DHX8: variants seen among roughly 807,000 people sequenced by gnomAD.
DHX8 encodes the protein ATP-dependent RNA helicase DHX8.
Under a neutral mutation model 140.7 loss-of-function variants are expected in DHX8, and 67 were observed. The observed-to-expected ratio is 0.48, with a 90% CI of 0.39 to 0.58. The LOEUF (loss-of-function observed/expected upper bound fraction) is 0.58. Among genes scored for constraint, DHX8 ranks in the 20% least tolerant of loss-of-function variants. DHX8 has a pLI of 0.00. For missense variants in DHX8, 887 were observed against 1,550.7 expected, an observed-to-expected ratio of 0.57 and a Z score of 7.19; for synonymous variants, 533 against 553.2, an observed-to-expected ratio of 0.96 and a Z score of 0.51.
At chr17:43,490,364 AT>A in intron 2 of DHX8, 26 bp from the exon 3 acceptor site, 1 of 1,598,138 alleles carries the variant, frequency 6.3e-7, no homozygotes, top group Non-Finnish European at 8.6e-7. Flanking sequence ...GGAGCTGACA[AT>A]TTTCGTTCTA....
downstream of DHX8, among the ~76,000 whole-genome samples, chr17:43,531,319 C>T (rs947137990): frequency 3.3e-5 from 5 of 152,224 alleles, no homozygotes; most frequent in Non-Finnish European, 5.9e-5. Flanking sequence ...GACTGGCCCT[C>T]CTTCGGCCCT....
intron 18 of DHX8, chr17:43,518,667 A>T (rs1598173069): frequency 6.6e-6 from 1 of 152,184 alleles, no homozygotes; most frequent in African/African-American, 2.4e-5. Context: ...TACATTCAAG[A>T]TGTTGTACAA....
chr17:43,517,094 T>C (rs1230234638), intron 17 of DHX8, 73 bp from the exon 18 acceptor site: 8 of 1,476,390 alleles, frequency 5.4e-6, no homozygotes, highest in Non-Finnish European at 7.2e-6. Context: ...GTCCCCCTTT[T>C]AACAGATATC....
intron 9 of DHX8, 77 bp from the exon 10 acceptor site, chr17:43,498,785 A>G: frequency 2.5e-6 from 3 of 1,194,630 alleles, no homozygotes; most frequent in Non-Finnish European, 3.6e-6. Context: ...GTTGGTACCT[A>G]TGGAAATTAA....
rs772467259 is a variant in DHX8, at chr17:43,522,086, C to G, written c.3303C>G (p.Val1101=). The part of the protein sequence containing the change: ...LDVVSCGKST[V]RVQKAICSGF... ...TTGTTTCCTGTGGCAAGTCCACAGTCCGAGTGCAGAAGGCCATCTGCAGTG... is the reference window on the plus strand; with the variant it reads ...TTGTTTCCTGTGGCAAGTCCACAGTGCGAGTGCAGAAGGCCATCTGCAGTG... The change falls in exon 22 of 23, where the codon GTC becomes GTG. Residue 1101 remains valine, a synonymous_variant. Coordinates refer to ENST00000262415, the MANE Select transcript of DHX8 (RefSeq NM_004941.3). The G allele has an allele frequency of 5.0e-6, 8 of 1,614,082 alleles. No homozygotes were observed. Among genetic ancestry groups the G allele is most frequent in the Non-Finnish European group, 5.9e-6 (7 of 1,180,006 alleles).
chr17:43,512,275 T>C (rs531247833), intron 16 of DHX8, among the ~76,000 whole-genome samples: 13 of 151,420 alleles, frequency 8.6e-5, no homozygotes, highest in Non-Finnish European at 1.6e-4. Context: ...TAATCTCAGC[T>C]ACTCGGGAGG....
At chr17:43,533,441 T>G (rs1971069917) in intron 2 of DHX8, 4 of 1,251,792 alleles carry the variant, frequency 3.2e-6, no homozygotes, top group Non-Finnish European at 4.5e-6. Flanking sequence ...TCACAGGGAT[T>G]ACAGGAGAAG....
At chr17:43,523,247 C>A (rs1193382862) in intron 22 of DHX8, among the ~76,000 whole-genome samples, 1 of 152,134 alleles carries the variant, frequency 6.6e-6, no homozygotes, top group Non-Finnish European at 1.5e-5. Flanking sequence ...GCATGTTTGG[C>A]CTTCTCCATC....
chr17:43,536,331 A>G lies in DHX8; in HGVS notation c.351-81A>G, dbSNP rs1971241631. 4 of 1,119,276 alleles carry G rather than the reference A, an allele frequency of 3.6e-6. No homozygotes were observed. In the South Asian group the frequency reaches 3.9e-5, roughly 11 times the overall value. The allele number at this position is 1,119,276 out of a possible 1,614,324, so 69.3% of individuals were successfully genotyped here. A position where few individuals can be genotyped will look rare whatever the true frequency, so the allele number is the denominator to read the frequency against. On this transcript the variant is annotated intron_variant, in intron 2 of 3. Coordinates refer to the DHX8 transcript ENST00000589898. ...AGATCAAACCCCACTGTGTTTTAGG[A>G]GAGAACAAGCTGCTCTCTTGTGATT...
intron 18 of DHX8, chr17:43,518,940 C>T (rs1251348454): frequency 6.6e-6 from 1 of 152,170 alleles, no homozygotes; most frequent in Non-Finnish European, 1.5e-5. Flanking sequence ...TTATTTCATT[C>T]CTTTCTAAGG....
intron 9 of DHX8, among the ~76,000 whole-genome samples, chr17:43,497,585 G>A (rs1968938045): frequency 6.6e-6 from 1 of 151,952 alleles, no homozygotes; most frequent in African/African-American, 2.4e-5. Context: ...GCTAGGCCCT[G>A]TCTTTACAAA....
At chr17:43,513,924 G>A (rs1567693862) in intron 17 of DHX8, among the ~76,000 whole-genome samples, 1 of 151,908 alleles carries the variant, frequency 6.6e-6, no homozygotes, top group Non-Finnish European at 1.5e-5. Context: ...TGTTGGTCAG[G>A]CTGGTCTTGA....
At chr17:43,508,773 C>A (rs915645806) in intron 16 of DHX8, among the ~76,000 whole-genome samples, 5 of 152,102 alleles carry the variant, frequency 3.3e-5, no homozygotes, top group Non-Finnish European at 7.4e-5. Flanking sequence ...GCACCTGCCA[C>A]CACGCCTGGC....
intron 11 of DHX8, among the ~76,000 whole-genome samples, chr17:43,501,223 A>G (rs1308301185): frequency 6.6e-6 from 1 of 152,150 alleles, no homozygotes; most frequent in African/African-American, 2.4e-5. Context: ...ATCGAGACCC[A>G]AAGGATAAAT....
intron 11 of DHX8, among the ~76,000 whole-genome samples, chr17:43,502,249 T>C (rs531029136): frequency 6.6e-6 from 1 of 152,166 alleles, no homozygotes; most frequent in Non-Finnish European, 1.5e-5. Context: ...CTGCATGTAA[T>C]AGAGATTCAA....
Position 43,521,443 on chromosome 17 carries a change from T to C in DHX8, c.3141T>C (p.Ala1047=), listed in dbSNP as rs755639562. Residue 1047 remains alanine, a synonymous_variant, in exon 21 of 23, where the codon GCT becomes GCC. Transcript: ENST00000262415. The part of the protein sequence containing the change: ...QTEGDHLTLL[A]VYNSWKNNKF... ...AAGGGGACCACCTCACCCTGCTAGC[T>C]GTGTACAACTCCTGGAAGAACAACA... 1.2e-6 allele frequency: 2 copies of C among 1,613,904 alleles called. No individual in the cohort carries two copies. Among genetic ancestry groups the C allele is most frequent in the African/African-American group, 1.3e-5 (1 of 74,866 alleles).
chr17:43,526,771 T>A, downstream of DHX8: 1 of 1,156,154 alleles, frequency 8.6e-7, no homozygotes, highest in Non-Finnish European at 1.1e-6. Context: ...AATGTGGAAT[T>A]AAATTATATA....
At chr17:43,527,663 A>T (rs1970657535), downstream of DHX8, among the ~76,000 whole-genome samples, 1 of 152,214 alleles carries the variant, frequency 6.6e-6, no homozygotes, top group South Asian at 2.1e-4. Flanking sequence ...GGGGAAGGGC[A>T]GGTATCATTA....
At chr17:43,514,056 G>C (rs115263453) in intron 17 of DHX8, among the ~76,000 whole-genome samples, 1 of 150,110 alleles carries the variant, frequency 6.7e-6, no homozygotes, top group Non-Finnish European at 1.5e-5. Context: ...AAATGCCCCC[G>C]TAAGGCCAGA....
Sources: gnomAD v4.1 joint callset for allele counts (sites outside exome capture counted in the v4.1 genomes callset) on GRCh38, gnomAD v4.1.1 for gene constraint, MANE v1.5 for transcripts, NCBI Gene and HGNC (gene_info 2026-07-23, HGNC 2026-07-21) for gene names.